The following SLC26A7 variants were observed in gnomAD, a reference collection of about 807,000 sequenced individuals.
The protein encoded by SLC26A7 is anion exchange transporter.
Under a neutral mutation model 82.5 loss-of-function variants are expected in SLC26A7, and 59 were observed. That is an observed-to-expected ratio of 0.72 (90% CI 0.58 to 0.89). SLC26A7 has a LOEUF of 0.89. Ranked by LOEUF, SLC26A7 falls within the 40% of genes least tolerant of loss-of-function variation. The probability of loss-of-function intolerance (pLI) is 0.00; values close to 1 mark genes in which losing one functional copy is unlikely to be tolerated. For missense variants in SLC26A7, 820 were observed against 793.0 expected, an observed-to-expected ratio of 1.03 and a Z score of -0.41; for synonymous variants, 271 against 274.3, an observed-to-expected ratio of 0.99 and a Z score of 0.12.
At chr8:91,268,949 A>C (rs970032273) in intron 2 of SLC26A7, among the ~76,000 whole-genome samples, 16 of 151,886 alleles carry the variant, frequency 1.1e-4, no homozygotes, top group Non-Finnish European at 2.2e-4. Flanking sequence ...AAAACAAAAA[A>C]AAAACTAACA....
intron 1 of SLC26A7, among the ~76,000 whole-genome samples, chr8:91,216,611 G>T (rs1482783095): frequency 6.6e-6 from 1 of 152,078 alleles, no homozygotes; most frequent in Non-Finnish European, 1.5e-5. Flanking sequence ...AGGATTAACT[G>T]GTTGGGTGAG....
intron 2 of SLC26A7, among the ~76,000 whole-genome samples, chr8:91,277,220 G>C (rs1232763045): frequency 6.6e-6 from 1 of 152,094 alleles, no homozygotes; most frequent in Non-Finnish European, 1.5e-5. Flanking sequence ...CTACCTGTTT[G>C]CCTTTCTTAA....
intron 2 of SLC26A7, among the ~76,000 whole-genome samples, chr8:91,256,239 T>TA (rs1427215915): frequency 2.0e-5 from 3 of 152,068 alleles, no homozygotes; most frequent in Admixed American, 1.3e-4. Flanking sequence ...TCTATTCTTT[T>TA]AAAAAAATGT....
At chr8:91,300,573 A>G (rs1046316288) in intron 4 of SLC26A7, among the ~76,000 whole-genome samples, 2 of 151,572 alleles carry the variant, frequency 1.3e-5, no homozygotes, top group Non-Finnish European at 2.9e-5. Flanking sequence ...AATTTTTTGT[A>G]TTTTTAGTAG....
intron 4 of SLC26A7, among the ~76,000 whole-genome samples, chr8:91,296,460 T>C (rs1253055314): frequency 6.6e-6 from 1 of 152,072 alleles, no homozygotes; most frequent in Non-Finnish European, 1.5e-5. Context: ...GGAGGCTCTA[T>C]TTTACACCGT....
rs1441344766 is a variant in SLC26A7 at position 91,235,042 on chromosome 8, C to A, written c.-33-14577C>A. The stretch of plus-strand genomic sequence containing the variant: ...TCAAGTTATCCTCCCACCTCAGCCT[C>A]CTGACTAGCTGAGATTACAGGCATG... On this transcript the variant is annotated intron_variant, in intron 2 of 5. Coordinates refer to the SLC26A7 transcript ENST00000522862. 2.6e-5 allele frequency among the ~76,000 whole-genome samples: 4 copies of A among 152,236 alleles called. No homozygotes were observed. The East Asian group carries it at 7.7e-4, about 29-fold the overall frequency.
At chr8:91,209,926 T>A (rs1281990656) in intron 1 of SLC26A7, among the ~76,000 whole-genome samples, 3 of 152,216 alleles carry the variant, frequency 2.0e-5, no homozygotes, top group Non-Finnish European at 4.4e-5. Flanking sequence ...GAGTTCTTAC[T>A]ATATGCAAGG....
At chr8:91,355,043 T>C (rs912384211) in intron 11 of SLC26A7, among the ~76,000 whole-genome samples, 3 of 152,200 alleles carry the variant, frequency 2.0e-5, no homozygotes, top group African/African-American at 7.2e-5. Context: ...CTTGTTTTCA[T>C]ACTAGAAGGA....
chr8:91,357,105 T>C (rs1190204154), intron 11 of SLC26A7: 3 of 152,230 alleles, frequency 2.0e-5, no homozygotes, highest in Non-Finnish European at 4.4e-5. Context: ...AGTCATCTGG[T>C]ATCAAATAAA....
chr8:91,306,139 A>G (rs988723524), intron 4 of SLC26A7, among the ~76,000 whole-genome samples: 4 of 152,142 alleles, frequency 2.6e-5, no homozygotes, highest in African/African-American at 9.7e-5. Context: ...GAACATATCC[A>G]TGCTGTCCTG....
At chr8:91,394,424 T>G in intron 18 of SLC26A7, 5 of 1,434,054 alleles carry the variant, frequency 3.5e-6, no homozygotes, top group Non-Finnish European at 4.6e-6. Context: ...TCTGATATCT[T>G]GCCTCTAAGC....
chr8:91,373,962 A>T (rs1814436930), intron 15 of SLC26A7, among the ~76,000 whole-genome samples: 1 of 151,780 alleles, frequency 6.6e-6, no homozygotes, highest in African/African-American at 2.4e-5. Flanking sequence ...GGGAGGTTGT[A>T]TGTTTCCAGG....
At chr8:91,254,255 A>T (rs1810740266) in intron 2 of SLC26A7, among the ~76,000 whole-genome samples, 1 of 152,020 alleles carries the variant, frequency 6.6e-6, no homozygotes, top group Non-Finnish European at 1.5e-5. Flanking sequence ...CATGCGGCAA[A>T]ATCTGCAGGC....
intron 9 of SLC26A7, among the ~76,000 whole-genome samples, chr8:91,350,249 C>T (rs1420743645): frequency 6.6e-6 from 1 of 152,034 alleles, no homozygotes; most frequent in Non-Finnish European, 1.5e-5. Flanking sequence ...CTCCTTCTTC[C>T]CATATACACA....
chr8:91,214,463 A>G (rs541054548), intron 1 of SLC26A7, among the ~76,000 whole-genome samples: 8 of 152,214 alleles, frequency 5.3e-5, no homozygotes, highest in Non-Finnish European at 1.2e-4. Context: ...TGTAGTTGCT[A>G]TTAAGCTATA....
intron 5 of SLC26A7, among the ~76,000 whole-genome samples, chr8:91,319,244 C>T (rs1467617973): frequency 6.6e-6 from 1 of 152,104 alleles, no homozygotes; most frequent in Non-Finnish European, 1.5e-5. Context: ...ACCAAACAAA[C>T]ATTGATTGTT....
At chr8:91,335,115 C>T (rs955693604) in intron 6 of SLC26A7, among the ~76,000 whole-genome samples, 2 of 152,118 alleles carry the variant, frequency 1.3e-5, no homozygotes, top group African/African-American at 4.8e-5. Context: ...TAACCACAGT[C>T]TACTAATTTA....
intron 9 of SLC26A7, among the ~76,000 whole-genome samples, chr8:91,346,545 A>G (rs4734520): frequency 0.055 from 8,388 of 152,242 alleles, 255 homozygotes; most frequent in African/African-American, 0.084. Context: ...ATGACAACCA[A>G]TCAAAGGATC....
intron 10 of SLC26A7, among the ~76,000 whole-genome samples, chr8:91,352,464 C>T (rs867124477): frequency 1.3e-5 from 2 of 151,998 alleles, no homozygotes; most frequent in South Asian, 2.1e-4. Flanking sequence ...TAATCAAGTT[C>T]GCTTTTCAAG....
Sources: gnomAD v4.1 joint callset for allele counts (sites outside exome capture counted in the v4.1 genomes callset) on GRCh38, gnomAD v4.1.1 for gene constraint, MANE v1.5 for transcripts, NCBI Gene and HGNC (gene_info 2026-07-23, HGNC 2026-07-21) for gene names.